The following NIN variants were observed in gnomAD, a reference collection of about 807,000 sequenced individuals.
NIN encodes ninein, also known as glycogen synthase kinase 3 beta-interacting protein.
NIN carries 137 observed loss-of-function variants against 257.6 expected under a neutral mutation model. That is an observed-to-expected ratio of 0.53 (90% CI 0.46 to 0.61). NIN has a LOEUF of 0.61. Among genes scored for constraint, NIN ranks in the 20% least tolerant of loss-of-function variants. The probability of loss-of-function intolerance (pLI) is 0.00; values close to 1 mark genes in which losing one functional copy is unlikely to be tolerated. For missense variants in NIN, 2,439 were observed against 2,501.2 expected (o/e 0.98, Z 0.53); for synonymous variants, 918 against 919.8 (o/e 1.00, Z 0.04).
chr14:50,765,236 TA>T (rs901380870), intron 14 of NIN, among the ~76,000 whole-genome samples: 8 of 152,026 alleles, frequency 5.3e-5, no homozygotes, highest in Non-Finnish European at 7.4e-5. Context: ...GATTCCGTCT[TA>T]AAAAAAGTAA....
In NIN at chr14:50,770,626, C is replaced by CA. The variant is rs558300943; in HGVS notation, c.1260-65dup. 1.0e-5 allele frequency: 16 copies of CA among 1,560,374 alleles called. No homozygotes were observed. The East Asian group carries it at 3.1e-4, about 31-fold the overall frequency. ...TTCAGAGGTCCCAGTATCAATCTAC[C>CA]AAAAATGGAAACACAGAGGCACAGA... On this transcript the variant is annotated intron_variant, in intron 11 of 30. Transcript: ENST00000530997.
intron 5 of NIN, among the ~76,000 whole-genome samples, chr14:50,787,586 C>T (rs957151194): frequency 1.3e-5 from 2 of 152,174 alleles, no homozygotes; most frequent in African/African-American, 4.8e-5. Flanking sequence ...AAATGGCCAA[C>T]TGAATTGACT....
chr14:50,751,587 T>C (rs1174598995), intron 21 of NIN, among the ~76,000 whole-genome samples: 2 of 152,188 alleles, frequency 1.3e-5, no homozygotes, highest in Non-Finnish European at 2.9e-5. Context: ...TATTTAGAGA[T>C]AGGGTCTCAC....
Position 50,720,572 on chromosome 14 carries a change from C to T in NIN, c.*2891G>A, listed in dbSNP as rs770832861. 14 of 206,314 alleles carry T rather than the reference C, an allele frequency of 6.8e-5. No homozygotes were observed. The highest frequency in any genetic ancestry group is 6.7e-4 in the East Asian group (9 of 13,458). 12.8% of individuals were successfully genotyped at this position (206,314 alleles called of 1,614,324 possible). A position where few individuals can be genotyped will look rare whatever the true frequency, so the allele number is the denominator to read the frequency against. On this transcript the variant is annotated 3_prime_UTR_variant, in exon 31 of 31. Coordinates refer to ENST00000530997, the MANE Select transcript of NIN (RefSeq NM_020921.4). ...CATGATCTATTCATGAAAAATATGC[C>T]GAAGGCTAAATATGCAATGCATTGA...
chr14:50,766,983 A>G (rs1595817472), intron 12 of NIN, 93 bp from the exon 13 acceptor site: 6 of 805,932 alleles, frequency 7.4e-6, no homozygotes, highest in Non-Finnish European at 1.2e-5. Flanking sequence ...AGTACCGTAG[A>G]TTAAAGATGT....
At chr14:50,776,806 C>T in intron 7 of NIN, 143 bp downstream of exon 7, 1 of 726,844 alleles carries the variant, frequency 1.4e-6, no homozygotes, top group Non-Finnish European at 2.2e-6. Flanking sequence ...TCCTCAGTGA[C>T]AGAATCTTCA....
chr14:50,771,760 C>T (rs1036418063), intron 9 of NIN, among the ~76,000 whole-genome samples: 3 of 152,004 alleles, frequency 2.0e-5, no homozygotes, highest in South Asian at 4.1e-4. Context: ...CCGAGGCATG[C>T]GGATCATTTG....
intron 4 of NIN, among the ~76,000 whole-genome samples, chr14:50,802,378 A>G (rs1885443): frequency 0.97 from 148,026 of 152,268 alleles, 72,125 homozygotes; most frequent in East Asian, 1. Context: ...AATCTAGTCC[A>G]TATCTCCTGA....
intron 3 of NIN, among the ~76,000 whole-genome samples, chr14:50,819,640 G>A (rs1024324777): frequency 6.6e-6 from 1 of 152,174 alleles, no homozygotes. Context: ...TTTATCAGCA[G>A]CGTGAAAACG....
chr14:50,770,331 T>G (rs1033849899), intron 12 of NIN, 57 bp downstream of exon 12: 6 of 1,544,726 alleles, frequency 3.9e-6, no homozygotes, highest in Non-Finnish European at 5.3e-6. Flanking sequence ...AAAGCTGTAG[T>G]TTTCCACGTG....
At chr14:50,744,110 A>C (rs2041422734) in intron 23 of NIN, 133 bp downstream of exon 23, 2 of 932,168 alleles carry the variant, frequency 2.1e-6, no homozygotes, top group African/African-American at 1.6e-5. Flanking sequence ...ACAGAATGCC[A>C]AAGAAATGCT....
intron 2 of NIN, among the ~76,000 whole-genome samples, chr14:50,822,627 TG>T (rs1408666008): frequency 6.6e-6 from 1 of 152,224 alleles, no homozygotes; most frequent in Non-Finnish European, 1.5e-5. Flanking sequence ...TCAGCTTAGA[TG>T]GCCCCCATCA....
intron 5 of NIN, among the ~76,000 whole-genome samples, chr14:50,791,010 T>C (rs1242426171): frequency 1.3e-5 from 2 of 152,230 alleles, no homozygotes; most frequent in African/African-American, 2.4e-5. Context: ...TTTACTTTCT[T>C]AGTACCAAAT....
chr14:50,821,726 G>A, intron 3 of NIN, 148 bp downstream of exon 3: 1 of 689,438 alleles, frequency 1.5e-6, no homozygotes, highest in African/African-American at 1.8e-5. Flanking sequence ...ACTGGACTGT[G>A]ATGTCACACC....
Position 50,739,253 on chromosome 14 carries a change from C to T in NIN, c.5628+55G>A, listed in dbSNP as rs771546601. 6 of 1,540,368 alleles carry T rather than the reference C, an allele frequency of 3.9e-6. No individual in the cohort carries two copies. In the Admixed American group the frequency reaches 8.6e-5, roughly 22 times the overall value. On this transcript the variant is annotated intron_variant, in intron 26 of 30. Coordinates refer to ENST00000530997, the MANE Select transcript of NIN (RefSeq NM_020921.4). ...CCAATCATATCCAACATTCATTTTC[C>T]TATCAAACTAGTCATTTTCAAACAT...
rs761967214 is a variant in NIN at position 50,770,813 on chromosome 14, G to A, written c.1259+39C>T. 13 of 1,596,166 alleles carry A rather than the reference G, an allele frequency of 8.1e-6. No individual in the cohort carries two copies. In the East Asian group the frequency reaches 2.9e-4, roughly 36 times the overall value. On this transcript the variant is annotated intron_variant, in intron 11 of 30. Transcript: ENST00000530997. ...TGCAGGCGCCACTGCCCTGGGCCAG[G>A]GTGGTGGGTGAGGAGGAGCCTCACT...
chr14:50,746,804 T>C (rs11846545), intron 22 of NIN, among the ~76,000 whole-genome samples: 1,888 of 152,348 alleles, frequency 0.012, 34 homozygotes, highest in African/African-American at 0.043. Context: ...TGAGAGGACA[T>C]AATTTTTAAG....
intron 4 of NIN, among the ~76,000 whole-genome samples, 188 bp from the exon 5 acceptor site, chr14:50,793,069 C>T (rs1026046604): frequency 7.9e-5 from 12 of 152,028 alleles, no homozygotes; most frequent in East Asian, 5.8e-4. Flanking sequence ...TAATTCTGAA[C>T]GATTTATGGG....
intron 2 of NIN, among the ~76,000 whole-genome samples, chr14:50,829,737 G>A (rs186777740): frequency 1.3e-5 from 2 of 152,244 alleles, no homozygotes; most frequent in Admixed American, 1.3e-4. Context: ...CATTTTGTTG[G>A]TGCCTTCACC....
Sources: allele counts gnomAD v4.1 joint callset (sites outside exome capture counted in the v4.1 genomes callset), GRCh38; gene constraint gnomAD v4.1.1; transcripts MANE v1.5; gene names NCBI Gene and HGNC (gene_info 2026-07-23, HGNC 2026-07-21).